MYZAP: variants seen among roughly 807,000 people sequenced by gnomAD.
MYZAP encodes GRINL1A complex locus upstream.
Under a neutral mutation model 69.4 loss-of-function variants are expected in MYZAP, and 66 were observed. That is an observed-to-expected ratio of 0.95 (90% CI 0.78 to 1.17). The LOEUF (loss-of-function observed/expected upper bound fraction) is 1.17, where lower values mean the gene tolerates loss of function less well. Among genes scored for constraint, MYZAP ranks in the 50% most tolerant of loss-of-function variants. The probability of loss-of-function intolerance (pLI) is 0.00; values close to 1 mark genes in which losing one functional copy is unlikely to be tolerated. For missense variants in MYZAP, 611 were observed against 556.2 expected (o/e 1.10, Z -0.99); for synonymous variants, 256 against 205.9 (o/e 1.24, Z -2.09).
At position 57,617,470 on chromosome 15, in the gene MYZAP, G is replaced by C. The variant is rs149167810; in HGVS notation, c.163-563G>C. On this transcript the variant is annotated intron_variant, in intron 2 of 12. Transcript: ENST00000267853. ...CAACAGGACTGGGAGGATCCTTTTG[G>C]GCTGAAGTCACACCACCTCTTCCTG... is the stretch of plus-strand genomic sequence containing the variant. Among the ~76,000 whole-genome samples, 879 of 152,174 alleles carry C rather than the reference G, an allele frequency of 5.8e-3. 14 individuals are homozygous for C. The highest frequency in any genetic ancestry group is 0.02 in the African/African-American group (832 of 41,518).
intron 2 of MYZAP, among the ~76,000 whole-genome samples, chr15:57,615,960 A>G (rs2035410508): frequency 6.6e-6 from 1 of 151,886 alleles, no homozygotes; most frequent in South Asian, 2.1e-4. Flanking sequence ...AACGAAGCAA[A>G]ACAAAACAAA....
At chr15:57,594,358 C>A (rs2033919056) in intron 1 of MYZAP, among the ~76,000 whole-genome samples, 1 of 152,150 alleles carries the variant, frequency 6.6e-6, no homozygotes, top group African/African-American at 2.4e-5. Context: ...TCAAGTGATA[C>A]AACTGCCTCG....
chr15:57,604,295 C>A lies in MYZAP; in HGVS notation c.102C>A (p.Thr34=). 6.2e-7 allele frequency: 1 copy of A among 1,614,160 alleles called. No homozygotes were observed. Among genetic ancestry groups the A allele is most frequent in the South Asian group, 1.1e-5 (1 of 91,068 alleles). The change falls in exon 2 of 13, where the codon ACC becomes ACA. Residue 34 remains threonine (T), a synonymous_variant. Coordinates refer to ENST00000267853, the MANE Select transcript of MYZAP (RefSeq NM_001018100.5). The part of the protein sequence containing the change: ...RRANVCRLRL[T]VPPESPVPEQ... ...CAAATGTTTGCAGACTACGGCTGAC[C>A]GTACCTCCTGAGAGTCCAGTTCCTG...
chr15:57,643,016 C>T (rs1295937247), intron 10 of MYZAP, among the ~76,000 whole-genome samples: 1 of 152,140 alleles, frequency 6.6e-6, no homozygotes, highest in African/African-American at 2.4e-5. Flanking sequence ...CTAGGGCTTT[C>T]TACTGAATTA....
chr15:57,615,887 T>C (rs1387863807), intron 2 of MYZAP, among the ~76,000 whole-genome samples: 1 of 152,120 alleles, frequency 6.6e-6, no homozygotes, highest in East Asian at 1.9e-4. Context: ...TTCCCAAGTG[T>C]GGGAAGAAGG....
In MYZAP at chr15:57,654,002, CAAAAAAAAAAAAA is replaced by C. The variant is rs398043344; in HGVS notation, c.1120-7430_1120-7418del. ...CCTGGGTTACAGAGGCAAACGCTGT[CAAAAAAAAAAAAA>C]AAAAAAAAAAAAAAAAAGTCCCTAT... On this transcript the variant is annotated intron_variant, in intron 10 of 12. Transcript: ENST00000267853. Among the ~76,000 whole-genome samples the C allele has an allele frequency of 2.0e-3, 71 of 36,100 alleles. 1 individual carries two copies. The highest frequency in any genetic ancestry group is 4.2e-3 in the South Asian group (2 of 472). The allele number at this position is 36,100 out of a possible 152,430, so 23.7% of individuals were successfully genotyped here.
At chr15:57,630,158 G>T (rs1206261615) in intron 6 of MYZAP, among the ~76,000 whole-genome samples, 1 of 152,098 alleles carries the variant, frequency 6.6e-6, no homozygotes, top group Non-Finnish European at 1.5e-5. Flanking sequence ...AGTAGAGAAG[G>T]GGTTTCACCA....
intron 2 of MYZAP, among the ~76,000 whole-genome samples, chr15:57,616,462 AC>A (rs1260088843): frequency 1.3e-5 from 2 of 151,978 alleles, no homozygotes; most frequent in African/African-American, 4.8e-5. Context: ...ACATGATGAA[AC>A]CCCGTCTCTA....
intron 10 of MYZAP, chr15:57,647,025 A>G (rs533703325): frequency 3.9e-5 from 38 of 985,312 alleles, no homozygotes; most frequent in Non-Finnish European, 4.6e-5. Flanking sequence ...ATGAGTCTAC[A>G]TAAGCTGGGA....
intron 3 of MYZAP, among the ~76,000 whole-genome samples, chr15:57,621,400 G>C (rs976904534): frequency 4.6e-5 from 7 of 151,890 alleles, no homozygotes; most frequent in Non-Finnish European, 8.8e-5. Flanking sequence ...TTTTAGTAGA[G>C]ACGGGGTTTC....
At chr15:57,655,644 A>G (rs2037976342) in intron 10 of MYZAP, among the ~76,000 whole-genome samples, 1 of 152,048 alleles carries the variant, frequency 6.6e-6, no homozygotes, top group African/African-American at 2.4e-5. Context: ...AAGAACTTTT[A>G]TTTCCCCTCC....
chr15:57,669,474 C>T (rs1360787273), intron 11 of MYZAP, among the ~76,000 whole-genome samples: 1 of 152,088 alleles, frequency 6.6e-6, no homozygotes, highest in Non-Finnish European at 1.5e-5. Context: ...TATTTGTACC[C>T]TCTTTCTCTC....
At chr15:57,596,550 C>T (rs1419455500) in intron 1 of MYZAP, among the ~76,000 whole-genome samples, 1 of 152,174 alleles carries the variant, frequency 6.6e-6, no homozygotes, top group Non-Finnish European at 1.5e-5. Context: ...TAAGTGTCAA[C>T]CACACTCCTG....
intron 10 of MYZAP, among the ~76,000 whole-genome samples, chr15:57,641,088 C>T (rs540488082): frequency 9.9e-5 from 15 of 152,162 alleles, no homozygotes; most frequent in Non-Finnish European, 1.9e-4. Flanking sequence ...ATGCGAGTCT[C>T]TAACTGTGAG....
At chr15:57,633,507 T>C (rs1343514050) in intron 7 of MYZAP, 106 bp from the exon 8 acceptor site, 2 of 1,383,968 alleles carry the variant, frequency 1.4e-6, no homozygotes, top group Non-Finnish European at 1.9e-6. Context: ...TCCAAGGTCA[T>C]GTTTTAAAGA....
chr15:57,639,658 T>A, intron 10 of MYZAP, 113 bp downstream of exon 10: 1 of 1,200,228 alleles, frequency 8.3e-7, no homozygotes, highest in Admixed American at 2.1e-5. Context: ...GCCGAGGTGC[T>A]CAGGCCACTG....
At position 57,633,620 on chromosome 15, in the gene MYZAP, C is replaced by T. The variant is rs373898639; in HGVS notation, c.812C>T (p.Thr271Ile). The change falls in exon 8 of 13, where the codon ACC becomes ATC. Residue 271 changes from threonine to isoleucine, a missense_variant. By Grantham distance (89) the Thr-to-Ile change is moderately conservative. Transcript: ENST00000267853. ...SAEKEALLEE[T>I]NSFLKAIEEA... is the part of the protein sequence containing the mutation. Reference sequence around the variant, plus strand: ...GGTATATTTCTTTTGCAGGAAGAAACCAATAGTTTTCTGAAAGCGATTGAA... The same window carrying T: ...GGTATATTTCTTTTGCAGGAAGAAATCAATAGTTTTCTGAAAGCGATTGAA... The T allele has an allele frequency of 1.9e-6, 3 of 1,612,092 alleles. No individual in the cohort carries two copies. The African/African-American group carries it at 4.0e-5, about 22-fold the overall frequency.
chr15:57,618,914 C>T (rs898872257), intron 3 of MYZAP, among the ~76,000 whole-genome samples: 4 of 152,190 alleles, frequency 2.6e-5, no homozygotes, highest in Non-Finnish European at 5.9e-5. Flanking sequence ...GCTCACATTA[C>T]AGACCAGTGG....
At chr15:57,597,464 G>T (rs1367568773) in intron 1 of MYZAP, among the ~76,000 whole-genome samples, 1 of 152,168 alleles carries the variant, frequency 6.6e-6, no homozygotes, top group Non-Finnish European at 1.5e-5. Context: ...AGACACTCCT[G>T]GGACAGTGTT....
Sources: gnomAD v4.1 joint callset for allele counts (sites outside exome capture counted in the v4.1 genomes callset) on GRCh38, gnomAD v4.1.1 for gene constraint, MANE v1.5 for transcripts, NCBI Gene and HGNC (gene_info 2026-07-23, HGNC 2026-07-21) for gene names.